The following AGO2 variants were observed in gnomAD, a reference collection of about 807,000 sequenced individuals.
AGO2 encodes the protein protein argonaute-2.
In AGO2, 5 loss-of-function variants were observed where a neutral mutation model predicts 102.3. The observed-to-expected ratio is 0.05, with a 90% CI of 0.03 to 0.10. The LOEUF is 0.10. Among genes scored for constraint, AGO2 ranks in the 10% least tolerant of loss-of-function variants. The probability of loss-of-function intolerance (pLI) is 1.00; values close to 1 mark genes in which losing one functional copy is unlikely to be tolerated. For synonymous variants in AGO2, 449 were observed against 473.1 expected (o/e 0.95, Z 0.66); for missense variants, 541 against 1,183.7 (o/e 0.46, Z 7.97).
At position 140,541,151 on chromosome 8, in the gene AGO2, A is replaced by C. The variant is rs1466046965; in HGVS notation, c.2034+13T>G. 6.5e-7 allele frequency: 1 copy of C among 1,538,292 alleles called. No homozygotes were observed. The highest frequency in any genetic ancestry group is 8.8e-7 in the Non-Finnish European group (1 of 1,139,242). On this transcript the variant is annotated intron_variant, in intron 15 of 18. Transcript: ENST00000220592. Reference sequence around the variant, plus strand: ...CCCAGAGAAGGGGAGGGAAGGTTCCAAGAGGCGCCCACCTGCTGGAACTGG... The same window carrying C: ...CCCAGAGAAGGGGAGGGAAGGTTCCCAGAGGCGCCCACCTGCTGGAACTGG...
intron 1 of AGO2, among the ~76,000 whole-genome samples, chr8:140,625,456 C>T: frequency 6.6e-6 from 1 of 152,164 alleles, no homozygotes; most frequent in South Asian, 2.1e-4. Context: ...GCAACTCGCC[C>T]CTCCCCAGCC....
chr8:140,613,588 G>A (rs1418055034), intron 1 of AGO2, among the ~76,000 whole-genome samples: 2 of 152,158 alleles, frequency 1.3e-5, no homozygotes, highest in Non-Finnish European at 2.9e-5. Flanking sequence ...GTCATCTAGA[G>A]TATTTTCTTA....
At chr8:140,562,039 A>C (rs1390985884) in intron 4 of AGO2, among the ~76,000 whole-genome samples, 1 of 152,186 alleles carries the variant, frequency 6.6e-6, no homozygotes, top group Non-Finnish European at 1.5e-5. Context: ...CCTGAGAAAA[A>C]GGACGTCCCC....
In AGO2 at chr8:140,556,334, C is replaced by T. The variant is rs112446511; in HGVS notation, c.1027-48G>A. The T allele has an allele frequency of 2.1e-5, 33 of 1,604,688 alleles. 1 individual carries two copies. The African/African-American group carries it at 2.1e-4, about 10-fold the overall frequency. On this transcript the variant is annotated intron_variant, in intron 8 of 18. Coordinates refer to ENST00000220592, the MANE Select transcript of AGO2 (RefSeq NM_012154.5). ...GGCCGTCAGTGCCGCACTGGAGTGA[C>T]CAGGGGAGCAGGCAGGGGGCTCAGG...
chr8:140,549,869 G>A (rs1489208861), intron 11 of AGO2, among the ~76,000 whole-genome samples: 3 of 152,240 alleles, frequency 2.0e-5, no homozygotes, highest in Non-Finnish European at 4.4e-5. Flanking sequence ...TGAAGCTGGG[G>A]CGGGGTGGGA....
chr8:140,533,684 GTAATCCCAGCTACCCA>G (rs2072642471), intron 17 of AGO2, among the ~76,000 whole-genome samples: 1 of 151,842 alleles, frequency 6.6e-6, no homozygotes, highest in Non-Finnish European at 1.5e-5. Context: ...GCGTACGCCT[GTAATCCCAGCTACCCA>G]GGAGGCTGAG....
chr8:140,603,955 C>T (rs1249931487), intron 1 of AGO2, among the ~76,000 whole-genome samples: 3 of 152,230 alleles, frequency 2.0e-5, no homozygotes, highest in South Asian at 2.1e-4. Context: ...TCCTGCCTCC[C>T]GGGGATGAGC....
intron 1 of AGO2, among the ~76,000 whole-genome samples, chr8:140,601,033 T>C (rs2073925616): frequency 6.6e-6 from 1 of 152,120 alleles, no homozygotes; most frequent in Non-Finnish European, 1.5e-5. Context: ...GCTGGATCAC[T>C]TCACAGTGCC....
At chr8:140,579,094 G>A (rs188881491) in intron 2 of AGO2, among the ~76,000 whole-genome samples, 4 of 151,970 alleles carry the variant, frequency 2.6e-5, no homozygotes, top group Admixed American at 2.0e-4. Flanking sequence ...GTGGTGGTGC[G>A]CGCCTGTGGT....
At chr8:140,624,280 C>G (rs1292469762) in intron 1 of AGO2, among the ~76,000 whole-genome samples, 8 of 152,118 alleles carry the variant, frequency 5.3e-5, no homozygotes, top group African/African-American at 1.9e-4. Flanking sequence ...CCCCTGCCTT[C>G]AAGCACACCC....
rs772861643 is a variant in AGO2 at position 140,529,488 on chromosome 8, T to A, written c.*2556A>T. On this transcript the variant is annotated 3_prime_UTR_variant, in exon 19 of 19. Coordinates refer to ENST00000220592, the MANE Select transcript of AGO2 (RefSeq NM_012154.5). Reference sequence around the variant, plus strand: ...CTGGAGATGTTTGGTCTATTAATGTTTTTAGTATTAAAAGTTTTATAAAAC... The same window carrying A: ...CTGGAGATGTTTGGTCTATTAATGTATTTAGTATTAAAAGTTTTATAAAAC... 1 of 152,208 alleles carries A rather than the reference T, an allele frequency of 6.6e-6. No homozygotes were observed. Among genetic ancestry groups the A allele is most frequent in the Non-Finnish European group, 1.5e-5 (1 of 68,042 alleles). The allele number at this position is 152,208 out of a possible 1,614,324, so 9.4% of individuals were successfully genotyped here. A position where few individuals can be genotyped will look rare whatever the true frequency, so the allele number is the denominator to read the frequency against.
upstream of AGO2, among the ~76,000 whole-genome samples, chr8:140,639,849 G>A (rs189634558): frequency 3.6e-4 from 55 of 152,232 alleles, 1 homozygote; most frequent in South Asian, 5.8e-3. Context: ...CTGCCAGCTG[G>A]GCCCCCTTTG....
intron 4 of AGO2, among the ~76,000 whole-genome samples, chr8:140,561,596 C>T (rs543436415): frequency 1.2e-4 from 19 of 152,258 alleles, no homozygotes; most frequent in Admixed American, 7.8e-4. Context: ...GTGTTCCTGC[C>T]GGGAGTGACA....
intron 1 of AGO2, among the ~76,000 whole-genome samples, chr8:140,632,434 G>A (rs1222231638): frequency 6.6e-6 from 1 of 152,226 alleles, no homozygotes; most frequent in Non-Finnish European, 1.5e-5. Flanking sequence ...GGAGTTAAAT[G>A]GCTCTATAAA....
chr8:140,562,697 T>C, intron 3 of AGO2, 63 bp from the exon 4 acceptor site: 4 of 1,553,392 alleles, frequency 2.6e-6, no homozygotes, highest in Non-Finnish European at 3.5e-6. Context: ...GGACGCAGCC[T>C]GGCAGTGGTT....
At chr8:140,553,720 A>G (rs933912593) in intron 10 of AGO2, among the ~76,000 whole-genome samples, 1 of 132,358 alleles carries the variant, frequency 7.6e-6, no homozygotes, top group Non-Finnish European at 1.6e-5. Context: ...TTTTTTTGAG[A>G]CAGTGTCTCA....
At chr8:140,614,890 C>A (rs1479500981) in intron 1 of AGO2, among the ~76,000 whole-genome samples, 1 of 152,228 alleles carries the variant, frequency 6.6e-6, no homozygotes, top group East Asian at 1.9e-4. Flanking sequence ...CATGAGAACT[C>A]ACTCTAACCG....
intron 1 of AGO2, among the ~76,000 whole-genome samples, chr8:140,607,527 C>G (rs1298382659): frequency 1.5e-5 from 2 of 132,652 alleles, no homozygotes; most frequent in African/African-American, 5.7e-5. Flanking sequence ...CACACACACA[C>G]ACGTATGGAA....
In AGO2 at chr8:140,522,092, A is replaced by G. The variant is rs544119019; in HGVS notation, c.*9952T>C. On this transcript the variant is annotated 3_prime_UTR_variant, in exon 19 of 19. Coordinates refer to ENST00000220592, the MANE Select transcript of AGO2 (RefSeq NM_012154.5). ...AAAAGTCTATCAAATTCCATGACCA[A>G]TTGGACTTTTCTCCCACCTGTAATA... 5.3e-5 allele frequency: 8 copies of G among 152,224 alleles called. No individual in the cohort carries two copies. The highest frequency in any genetic ancestry group is 1.2e-4 in the Non-Finnish European group (8 of 68,014). 9.4% of individuals were successfully genotyped at this position (152,224 alleles called of 1,614,324 possible).
Sources: allele counts gnomAD v4.1 joint callset (sites outside exome capture counted in the v4.1 genomes callset), GRCh38; gene constraint gnomAD v4.1.1; transcripts MANE v1.5; gene names NCBI Gene and HGNC (gene_info 2026-07-23, HGNC 2026-07-21).